Variants in SNTG1 observed in about 807,000 individuals in gnomAD.
The protein encoded by SNTG1 is gamma-1-syntrophin.
SNTG1 carries 39 observed loss-of-function variants against 74.7 expected under a neutral mutation model. The observed-to-expected ratio is 0.52, with a 90% CI of 0.40 to 0.68. SNTG1 has a LOEUF of 0.68. SNTG1 is among the 30% of genes least tolerant of loss of function. The pLI is 0.00. For missense variants in SNTG1, 685 were observed against 609.5 expected (o/e 1.12, Z -1.30); for synonymous variants, 254 against 217.1 (o/e 1.17, Z -1.49).
Position 50,536,697 on chromosome 8 carries a change from C to T in SNTG1, c.569C>T (p.Ser190Leu), listed in dbSNP as rs2094310009. 6.2e-7 allele frequency: 1 copy of T among 1,613,876 alleles called. No individual in the cohort carries two copies. Among genetic ancestry groups the T allele is most frequent in the African/African-American group, 1.3e-5 (1 of 75,054 alleles). ...TTTCAGGACACATTATCATGCTCGT[C>T]GTGGCCGACGTCTCCAGGCTTGAGG... ...PNNTDTLSCS[S>L]WPTSPGLRWE... The change falls in exon 11 of 19, where the codon TCG becomes TTG. Residue 190 changes from serine (S) to leucine (L), a missense_variant. By Grantham distance (145) the Ser-to-Leu change is moderately radical. Coordinates refer to ENST00000642720, the MANE Select transcript of SNTG1 (RefSeq NM_018967.5).
At chr8:50,225,101 G>T (rs1563764800) in intron 2 of SNTG1, among the ~76,000 whole-genome samples, 1 of 151,992 alleles carries the variant, frequency 6.6e-6, no homozygotes, top group Non-Finnish European at 1.5e-5. Context: ...CTCCTGAGTA[G>T]CTGGGACTAC....
chr8:50,254,366 T>A (rs12545915), intron 2 of SNTG1, among the ~76,000 whole-genome samples: 38 of 151,970 alleles, frequency 2.5e-4, no homozygotes, highest in Non-Finnish European at 5.4e-4. Context: ...TCCGTGTACC[T>A]TTTTTGAAAA....
intron 2 of SNTG1, among the ~76,000 whole-genome samples, chr8:50,354,874 AG>A (rs2091773545): frequency 6.6e-6 from 1 of 152,198 alleles, no homozygotes; most frequent in Non-Finnish European, 1.5e-5. Flanking sequence ...ATAAAATTAA[AG>A]GTGAAATAGG....
intron 15 of SNTG1, among the ~76,000 whole-genome samples, chr8:50,679,942 T>G (rs1020315196): frequency 2.0e-5 from 3 of 152,182 alleles, no homozygotes; most frequent in Non-Finnish European, 4.4e-5. Context: ...GTAGGTAATA[T>G]GCAGAAACCT....
intron 11 of SNTG1, among the ~76,000 whole-genome samples, chr8:50,542,045 T>C (rs1231109035): frequency 1.3e-5 from 2 of 149,618 alleles, no homozygotes; most frequent in Non-Finnish European, 3.0e-5. Flanking sequence ...CATATGTATA[T>C]ATACATATAT....
chr8:50,410,358 CA>C (rs1253071916), intron 4 of SNTG1, among the ~76,000 whole-genome samples: 7 of 152,084 alleles, frequency 4.6e-5, no homozygotes, highest in African/African-American at 1.5e-4. Flanking sequence ...TGTACACACA[CA>C]TGCACAAAAT....
At chr8:50,308,892 G>A (rs1348169537) in intron 2 of SNTG1, among the ~76,000 whole-genome samples, 1 of 151,076 alleles carries the variant, frequency 6.6e-6, no homozygotes, top group East Asian at 1.9e-4. Flanking sequence ...TTATACAAAT[G>A]ATGTTTTGTT....
chr8:50,195,510 C>T (rs116691134), intron 2 of SNTG1, among the ~76,000 whole-genome samples: 2,578 of 152,270 alleles, frequency 0.017, 68 homozygotes, highest in African/African-American at 0.053. Context: ...ATTTCCTTCT[C>T]CCTGTGGAGT....
intron 18 of SNTG1, among the ~76,000 whole-genome samples, chr8:50,769,221 A>G (rs2095621316): frequency 6.6e-6 from 1 of 151,962 alleles, no homozygotes; most frequent in South Asian, 2.1e-4. Context: ...CATCTTATAG[A>G]TAAAACAAAT....
chr8:50,259,305 C>A (rs1432426579), intron 2 of SNTG1, among the ~76,000 whole-genome samples: 1 of 151,818 alleles, frequency 6.6e-6, no homozygotes, highest in Admixed American at 6.6e-5. Flanking sequence ...TTGAGACCAG[C>A]CCGGCCAACA....
intron 2 of SNTG1, among the ~76,000 whole-genome samples, chr8:50,384,968 C>A (rs1283194604): frequency 6.6e-6 from 1 of 152,070 alleles, no homozygotes; most frequent in East Asian, 1.9e-4. Context: ...TCTGTATCTA[C>A]TAATAGCCAA....
chr8:50,041,997 T>G (rs1022719085), intron 1 of SNTG1, among the ~76,000 whole-genome samples: 2 of 152,324 alleles, frequency 1.3e-5, no homozygotes, highest in African/African-American at 4.8e-5. Context: ...GGTTACATCC[T>G]TATAAAACCA....
intron 17 of SNTG1, among the ~76,000 whole-genome samples, chr8:50,733,761 A>G (rs2095518777): frequency 6.6e-6 from 1 of 151,734 alleles, no homozygotes; most frequent in African/African-American, 2.4e-5. Flanking sequence ...TCCTTCGTCT[A>G]TTTTTTAATG....
chr8:50,265,845 A>T (rs563778425), intron 2 of SNTG1, among the ~76,000 whole-genome samples: 1 of 152,102 alleles, frequency 6.6e-6, no homozygotes, highest in African/African-American at 2.4e-5. Flanking sequence ...TTACAATGAT[A>T]TCAAAAAAAT....
At chr8:49,933,906 T>A (rs1418998961) in intron 1 of SNTG1, among the ~76,000 whole-genome samples, 1 of 152,194 alleles carries the variant, frequency 6.6e-6, no homozygotes, top group African/African-American at 2.4e-5. Context: ...TTATGGTCTC[T>A]GCTTAGGTTA....
intron 1 of SNTG1, among the ~76,000 whole-genome samples, chr8:50,117,597 T>C (rs2080866552): frequency 1.3e-5 from 2 of 152,092 alleles, no homozygotes; most frequent in Non-Finnish European, 2.9e-5. Context: ...AGCAAAATTG[T>C]TTTCGCTCCA....
At chr8:50,028,929 T>C (rs913095630) in intron 1 of SNTG1, among the ~76,000 whole-genome samples, 3 of 152,204 alleles carry the variant, frequency 2.0e-5, no homozygotes, top group African/African-American at 4.8e-5. Flanking sequence ...ATTCTCTTCA[T>C]AAAATGTCAG....
Position 50,404,626 on chromosome 8 carries a change from GT to G in SNTG1, c.162+2293del, listed in dbSNP as rs199917490. Among the ~76,000 whole-genome samples, 554 of 147,412 alleles carry G rather than the reference GT, an allele frequency of 3.8e-3. 5 individuals carry two copies. Among genetic ancestry groups the G allele is most frequent in the African/African-American group, 0.012 (499 of 40,390 alleles). On this transcript the variant is annotated intron_variant, in intron 4 of 18. Transcript: ENST00000642720. ...GACCCACTCTTATATGGTCAGTTAA[GT>G]TTTTTTTTTTAACTGTGGTAAAATA...
At chr8:50,068,101 A>G (rs962482626) in intron 1 of SNTG1, among the ~76,000 whole-genome samples, 2 of 152,210 alleles carry the variant, frequency 1.3e-5, no homozygotes, top group Non-Finnish European at 2.9e-5. Context: ...GTTGAAGGAC[A>G]TAATAGATGT....
Sources: gnomAD v4.1 joint callset for allele counts (sites outside exome capture counted in the v4.1 genomes callset) on GRCh38, gnomAD v4.1.1 for gene constraint, MANE v1.5 for transcripts, NCBI Gene and HGNC (gene_info 2026-07-23, HGNC 2026-07-21) for gene names.